Variants in PAX6 observed in about 807,000 individuals in gnomAD.
The protein encoded by PAX6 is paired box protein Pax-6.
Under a neutral mutation model 60.7 loss-of-function variants are expected in PAX6, and 7 were observed. That is an observed-to-expected ratio of 0.12 (90% CI 0.07 to 0.22). The LOEUF is 0.22. Among genes scored for constraint, PAX6 ranks in the 10% least tolerant of loss-of-function variants. The probability of loss-of-function intolerance (pLI) is 1.00; values close to 1 mark genes in which losing one functional copy is unlikely to be tolerated. For synonymous variants in PAX6, 208 were observed against 201.2 expected, an observed-to-expected ratio of 1.03 and a Z score of -0.29; for missense variants, 355 against 555.2, an observed-to-expected ratio of 0.64 and a Z score of 3.62.
At chr11:31,815,589 A>G (rs1488814661), upstream of PAX6, among the ~76,000 whole-genome samples, 1 of 152,094 alleles carries the variant, frequency 6.6e-6, no homozygotes, top group Non-Finnish European at 1.5e-5. Flanking sequence ...AGCTAAGCGC[A>G]TCCTGACGGG....
chr11:31,805,101 G>T (rs1296858599), intron 4 of PAX6: 2 of 152,286 alleles, frequency 1.3e-5, no homozygotes, highest in African/African-American at 4.8e-5. Context: ...GATGCTCCGC[G>T]CCTCGCGCAC....
intron 2 of PAX6, chr11:31,809,799 T>A (rs1956658211): frequency 1.3e-5 from 2 of 152,320 alleles, no homozygotes; most frequent in South Asian, 2.1e-4. Context: ...ATAAGGGGAT[T>A]CGGAGTAAAA....
chr11:31,807,484 G>GC (rs1956102535), intron 2 of PAX6: 1 of 152,238 alleles, frequency 6.6e-6, no homozygotes, highest in South Asian at 2.1e-4. Flanking sequence ...CTTCCCAATG[G>GC]CCCCCTCTCC....
chr11:31,798,610 G>T (rs925723173), intron 8 of PAX6, among the ~76,000 whole-genome samples: 1 of 152,148 alleles, frequency 6.6e-6, no homozygotes, highest in Non-Finnish European at 1.5e-5. Context: ...CGCAACTAGG[G>T]GCGACGGTCC....
chr11:31,789,511 G>A lies in PAX6; in HGVS notation c.*423C>T, dbSNP rs892037921. On this transcript the variant is annotated 3_prime_UTR_variant, in exon 14 of 14. Transcript: ENST00000640368. ...ATAAACTATGAACAGATGGGTAGAAGTATTCGATATATCTTGATAAAACTC... is the reference window on the plus strand; with the variant it reads ...ATAAACTATGAACAGATGGGTAGAAATATTCGATATATCTTGATAAAACTC... 23 of 586,798 alleles carry A rather than the reference G, an allele frequency of 3.9e-5. No homozygotes were observed. Among genetic ancestry groups the A allele is most frequent in the Non-Finnish European group, 6.9e-5 (23 of 334,906 alleles). 36.3% of individuals were successfully genotyped at this position (586,798 alleles called of 1,614,324 possible).
rs1235009477 is a variant in PAX6, at chr11:31,806,430, C to G, written c.-19G>C. 1 of 1,608,720 alleles carries G rather than the reference C, an allele frequency of 6.2e-7. No individual in the cohort carries two copies. On this transcript the variant is annotated 5_prime_UTR_variant, in exon 4 of 14. Transcript: ENST00000640368. ...TCTGCATGCTGGCTCTGGCTGGGGG[C>G]CGCGGGATTCCACGGGGCTCGAATA...
At chr11:31,800,197 C>A (rs1953177477) in intron 8 of PAX6, among the ~76,000 whole-genome samples, 1 of 152,076 alleles carries the variant, frequency 6.6e-6, no homozygotes, top group South Asian at 2.1e-4. Flanking sequence ...CCACCACTTC[C>A]AATGCCCCAT....
intron 4 of PAX6, chr11:31,804,442 G>C (rs995830792): frequency 3.9e-5 from 6 of 152,360 alleles, no homozygotes; most frequent in Admixed American, 3.3e-4. Flanking sequence ...GGCTGAGGGG[G>C]GGCCCTCACC....
intron 2 of PAX6, chr11:31,808,556 A>G (rs1255696181): frequency 6.6e-6 from 1 of 152,226 alleles, no homozygotes; most frequent in African/African-American, 2.4e-5. Flanking sequence ...GGAGGGGTAA[A>G]ACTTCCAGAA....
intron 8 of PAX6, 184 bp downstream of exon 8, chr11:31,800,507 A>G (rs953727931): frequency 2.5e-6 from 2 of 803,698 alleles, no homozygotes; most frequent in African/African-American, 3.3e-5. Context: ...TCCCAGGCCA[A>G]CAAAATGGTT....
chr11:31,798,405 G>C (rs889355861), intron 8 of PAX6, among the ~76,000 whole-genome samples: 1 of 826 alleles, frequency 1.2e-3, no homozygotes, highest in Non-Finnish European at 2.4e-3. Context: ...CCCGCCTTAT[G>C]CTTTTGGAGT....
Position 31,800,478 on chromosome 11 carries a change from A to G in PAX6, c.565+213T>C. The stretch of plus-strand genomic sequence containing the variant: ...ACCAGCCACCTTCATACCGCTCCTG[A>G]CATACACAACCCTCACATTCCCAGG... On this transcript the variant is annotated intron_variant, in intron 8 of 13. Transcript: ENST00000640368. 3 of 684,588 alleles carry G rather than the reference A, an allele frequency of 4.4e-6. No homozygotes were observed. The South Asian group carries it at 5.0e-5, about 11-fold the overall frequency. 42.4% of individuals were successfully genotyped at this position (684,588 alleles called of 1,614,324 possible). A position where few individuals can be genotyped will look rare whatever the true frequency, so the allele number is the denominator to read the frequency against.
In PAX6 at chr11:31,810,988, T is replaced by G. The variant is rs1592655273; in HGVS notation, c.-289A>C. The G allele has an allele frequency of 2.5e-6, 1 of 399,286 alleles. No homozygotes were observed. Among genetic ancestry groups the G allele is most frequent in the Non-Finnish European group, 4.4e-6 (1 of 226,176 alleles). 24.7% of individuals were successfully genotyped at this position (399,286 alleles called of 1,614,324 possible). A position where few individuals can be genotyped will look rare whatever the true frequency, so the allele number is the denominator to read the frequency against. ...AGTTTTCTCCACGGATGTTGCTGGG[T>G]TGGTGTGTGAGAGCAATTCTCAGAT... On this transcript the variant is annotated 5_prime_UTR_variant, in exon 2 of 14. Coordinates refer to ENST00000640368, the MANE Select transcript of PAX6 (RefSeq NM_001368894.2).
rs774747652 is a variant in PAX6, at chr11:31,790,754, T to C, written c.1181A>G (p.His394Arg). The change falls in exon 13 of 14, where the codon CAC (histidine) becomes CGC (arginine). Residue 394 changes from histidine to arginine, a missense_variant. His to Arg is a conservative substitution (Grantham distance 29). Coordinates refer to ENST00000640368, the MANE Select transcript of PAX6 (RefSeq NM_001368894.2). Reference protein sequence around the residue: ...DTYTPPHMQTHMNSQPMGTSG... With the variant: ...DTYTPPHMQTRMNSQPMGTSG... ...GGTGCCCATTGGCTGACTGTTCATGTGTGTCTGCATATGTGGGGGGGTGTA... is the reference window on the plus strand; with the variant it reads ...GGTGCCCATTGGCTGACTGTTCATGCGTGTCTGCATATGTGGGGGGGTGTA... 1 of 1,614,100 alleles carries C rather than the reference T, an allele frequency of 6.2e-7. No individual in the cohort carries two copies. The highest frequency in any genetic ancestry group is 1.1e-5 in the South Asian group (1 of 91,078).
At chr11:31,804,045 C>T (rs1954965907) in intron 4 of PAX6, 1 of 152,228 alleles carries the variant, frequency 6.6e-6, no homozygotes, top group Admixed American at 6.5e-5. Context: ...TTGGAGCCTA[C>T]TGATAAATTG....
At chr11:31,817,703 C>A (rs1390721592) in intron 1 of PAX6, 1 of 152,274 alleles carries the variant, frequency 6.6e-6, no homozygotes, top group African/African-American at 2.4e-5. Flanking sequence ...AAAAATCAAG[C>A]CCCGGGGCCA....
intron 13 of PAX6, chr11:31,790,299 T>G: frequency 1.6e-6 from 1 of 621,890 alleles, no homozygotes; most frequent in Non-Finnish European, 2.4e-6. Context: ...GTTTGGAACT[T>G]TTACAATAAA....
At chr11:31,799,937 G>A (rs1387094046) in intron 8 of PAX6, among the ~76,000 whole-genome samples, 2 of 149,622 alleles carry the variant, frequency 1.3e-5, no homozygotes, top group Non-Finnish European at 3.0e-5. Context: ...GGAGCCAACT[G>A]ACCCTCCCCT....
Position 31,790,802 on chromosome 11 carries a change from A to G in PAX6, c.1133T>C (p.Val378Ala). 1 of 1,613,934 alleles carries G rather than the reference A, an allele frequency of 6.2e-7. No individual in the cohort carries two copies. The highest frequency in any genetic ancestry group is 1.1e-5 in the South Asian group (1 of 91,068). The change falls in exon 13 of 14, where the codon GTG (valine) becomes GCG (alanine). Residue 378 changes from valine (V) to alanine (A), a missense_variant. Physicochemically the swap from Val to Ala is moderately conservative, Grantham distance 64. Coordinates refer to ENST00000640368, the MANE Select transcript of PAX6 (RefSeq NM_001368894.2). ...YSCMLPTSPSVNGRSYDTYTP... is the reference protein window; with the variant it reads ...YSCMLPTSPSANGRSYDTYTP... ...GTAGGTATCATAACTCCGCCCATTC[A>G]CCGAAGGGCTGGTGGGCAGCATGCA...
Sources: gnomAD v4.1 joint callset for allele counts (sites outside exome capture counted in the v4.1 genomes callset) on GRCh38, gnomAD v4.1.1 for gene constraint, MANE v1.5 for transcripts, NCBI Gene and HGNC (gene_info 2026-07-23, HGNC 2026-07-21) for gene names.